The following MAST4 variants were observed in gnomAD, a reference collection of about 807,000 sequenced individuals.
MAST4 encodes microtubule associated serine/threonine kinase family member 4, also known as microtubule-associated serine/threonine-protein kinase 4.
A neutral mutation model predicts 162.7 loss-of-function variants in MAST4; 89 were observed. The ratio of observed to expected loss-of-function variants is 0.55; its 90% CI spans 0.46 to 0.65. MAST4 has a LOEUF of 0.65. MAST4 is among the 30% of genes least tolerant of loss of function. The pLI is 0.00. For synonymous variants in MAST4, 1,479 were observed against 1,361.1 expected, an observed-to-expected ratio of 1.09 and a Z score of -1.91; for missense variants, 3,153 against 3,374.0, an observed-to-expected ratio of 0.93 and a Z score of 1.62.
At chr5:66,915,395 A>G (rs577719107) in intron 4 of MAST4, among the ~76,000 whole-genome samples, 1 of 152,254 alleles carries the variant, frequency 6.6e-6, no homozygotes, top group South Asian at 2.1e-4. Context: ...CCTGGATGAT[A>G]AGAAATTAGT....
chr5:66,793,602 C>T (rs559684450), intron 3 of MAST4, among the ~76,000 whole-genome samples: 6 of 152,148 alleles, frequency 3.9e-5, no homozygotes, highest in Admixed American at 1.3e-4. Flanking sequence ...AAAATGGCTA[C>T]GTGGCCATCA....
chr5:66,920,010 C>G (rs1764426947), intron 4 of MAST4, among the ~76,000 whole-genome samples: 1 of 148,060 alleles, frequency 6.8e-6, no homozygotes, highest in Non-Finnish European at 1.5e-5. Context: ...TTCTAATGAA[C>G]AAGGATGCTT....
At chr5:67,154,578 A>G (rs1245942156) in intron 26 of MAST4, among the ~76,000 whole-genome samples, 4 of 152,178 alleles carry the variant, frequency 2.6e-5, no homozygotes. Context: ...AGATGATCCC[A>G]TTTCTATTGT....
In MAST4 at chr5:66,932,534, A is replaced by G. The variant is rs141406515; in HGVS notation, c.674+32552A>G. 6.7e-3 allele frequency among the ~76,000 whole-genome samples: 1,026 copies of G among 152,284 alleles called. 14 individuals carry two copies. The highest frequency in any genetic ancestry group is 0.024 in the African/African-American group (981 of 41,566). On this transcript the variant is annotated intron_variant, in intron 4 of 28. Coordinates refer to ENST00000403625, the MANE Select transcript of MAST4 (RefSeq NM_001164664.2). ...CGATATGAGATAAACACGTGTTGAAATTGTGCTTATGCTTTGAATTAAATT... is the reference window on the plus strand; with the variant it reads ...CGATATGAGATAAACACGTGTTGAAGTTGTGCTTATGCTTTGAATTAAATT...
chr5:66,955,090 C>T (rs146246335), intron 4 of MAST4, among the ~76,000 whole-genome samples: 1 of 151,116 alleles, frequency 6.6e-6, no homozygotes, highest in East Asian at 2.0e-4. Flanking sequence ...TCTGTGGTCC[C>T]AGTTGCTCAG....
intron 2 of MAST4, among the ~76,000 whole-genome samples, chr5:66,763,019 T>A (rs1449745802): frequency 6.6e-6 from 1 of 152,230 alleles, no homozygotes; most frequent in African/African-American, 2.4e-5. Context: ...TTAATCCTTA[T>A]AACATCTGTG....
Position 66,729,709 on chromosome 5 carries a change from G to A in MAST4, c.364-30000G>A, listed in dbSNP as rs557442237. Among the ~76,000 whole-genome samples, 33 of 152,296 alleles carry A rather than the reference G, an allele frequency of 2.2e-4. 1 individual carries two copies. The South Asian group carries it at 6.8e-3, about 32-fold the overall frequency. Reference sequence around the variant, plus strand: ...GTGGGAAGCCATCGTGATTAGGAAGGCACAAAAGATTAGACGTATCGTTGC... The same window carrying A: ...GTGGGAAGCCATCGTGATTAGGAAGACACAAAAGATTAGACGTATCGTTGC... On this transcript the variant is annotated intron_variant, in intron 1 of 28. Transcript: ENST00000403625.
In MAST4 at chr5:67,160,553, G is replaced by A. The variant is rs1482287819; in HGVS notation, c.3746G>A (p.Arg1249Lys). The change falls in exon 27 of 29, where the codon AGG (arginine) becomes AAG (lysine). Residue 1249 changes from arginine to lysine, a missense_variant. Physicochemically the swap from Arg to Lys is conservative, Grantham distance 26 (BLOSUM62 2). This residue lies in a region of MAST4 where 619 missense variants were observed against 744.2 expected (regional missense o/e 0.83). Coordinates refer to ENST00000403625, the MANE Select transcript of MAST4 (RefSeq NM_001164664.2). ...RRNSYKSRMV[R>K]RSKKSKKKES... ...AACAGCTATAAGAGCCGGATGGTGA[G>A]GCGGAGCAAGAAATCCAAGAAGAAA... 8 of 1,613,548 alleles carry A rather than the reference G, an allele frequency of 5.0e-6. No homozygotes were observed. The Admixed American group carries it at 1.3e-4, about 27-fold the overall frequency.
At chr5:66,805,243 T>A (rs1293785853) in intron 3 of MAST4, among the ~76,000 whole-genome samples, 1 of 152,244 alleles carries the variant, frequency 6.6e-6, no homozygotes, top group Non-Finnish European at 1.5e-5. Context: ...ACTTTACTAA[T>A]CTTTAATACT....
intron 4 of MAST4, among the ~76,000 whole-genome samples, chr5:67,010,984 C>T (rs546241683): frequency 2.9e-4 from 44 of 152,252 alleles, no homozygotes; most frequent in African/African-American, 9.4e-4. Flanking sequence ...GCCCGTCAGC[C>T]CTCCTCCCTG....
intron 1 of MAST4, among the ~76,000 whole-genome samples, chr5:66,726,469 T>C (rs957982795): frequency 6.6e-6 from 1 of 152,132 alleles, no homozygotes; most frequent in Non-Finnish European, 1.5e-5. Context: ...GAGCAGTTAT[T>C]GAGGCTGGAG....
At chr5:67,145,584 A>G (rs551663518) in intron 23 of MAST4, among the ~76,000 whole-genome samples, 2 of 152,328 alleles carry the variant, frequency 1.3e-5, no homozygotes, top group East Asian at 1.9e-4. Context: ...GTGCTCGGCC[A>G]TGCAGCAAAC....
At chr5:66,891,602 G>C (rs571398188) in intron 3 of MAST4, among the ~76,000 whole-genome samples, 13 of 152,146 alleles carry the variant, frequency 8.5e-5, no homozygotes, top group African/African-American at 2.7e-4. Flanking sequence ...CCATACTCCT[G>C]TCCTGCTGAT....
Position 67,163,853 on chromosome 5 carries a change from G to C in MAST4, c.4674G>C (p.Gly1558=), listed in dbSNP as rs771519932. 4 of 1,613,912 alleles carry C rather than the reference G, an allele frequency of 2.5e-6. No homozygotes were observed. Among genetic ancestry groups the C allele is most frequent in the African/African-American group, 1.3e-5 (1 of 75,058 alleles). The part of the protein sequence containing the change: ...QESHQKSHGP[G]SDLENFALFK... ...CCCACCAGAAATCCCATGGACCCGG[G>C]AGTGATTTGGAAAACTTTGCTCTGT... Residue 1558 remains glycine, a synonymous_variant, in exon 29 of 29, where the codon GGG becomes GGC. Transcript: ENST00000403625. The surrounding 1 kb of genome is among the most constrained non-coding windows in gnomAD (Gnocchi z 7.0).
chr5:67,157,759 CTTG>C (rs1215123038), intron 26 of MAST4, among the ~76,000 whole-genome samples: 1 of 152,154 alleles, frequency 6.6e-6, no homozygotes, highest in Non-Finnish European at 1.5e-5. Context: ...AAACAAGAAC[CTTG>C]TTGTCTGTTG....
At chr5:66,990,892 G>T (rs1256928172) in intron 4 of MAST4, among the ~76,000 whole-genome samples, 1 of 151,996 alleles carries the variant, frequency 6.6e-6, no homozygotes, top group Non-Finnish European at 1.5e-5. Flanking sequence ...ATTTCTTAGA[G>T]AAATAGTTAT....
chr5:66,897,217 A>G (rs1762738745), intron 3 of MAST4, among the ~76,000 whole-genome samples: 1 of 152,116 alleles, frequency 6.6e-6, no homozygotes, highest in African/African-American at 2.4e-5. Flanking sequence ...GTAAATTTTT[A>G]ACACACACTC....
At position 67,070,135 on chromosome 5, in the gene MAST4, A is replaced by G. The variant is rs138134220; in HGVS notation, c.763+15643A>G. 9.8e-5 allele frequency among the ~76,000 whole-genome samples: 15 copies of G among 152,314 alleles called. No individual in the cohort carries two copies. The East Asian group carries it at 2.9e-3, about 29-fold the overall frequency. ...GATTCACATTTGGTGCTCTTATGCC[A>G]TTATTTCAGTAGGAAATGTGGGTTA... is the stretch of plus-strand genomic sequence containing the variant. On this transcript the variant is annotated intron_variant, in intron 5 of 28. Coordinates refer to ENST00000403625, the MANE Select transcript of MAST4 (RefSeq NM_001164664.2).
intron 12 of MAST4, among the ~76,000 whole-genome samples, chr5:67,118,295 AGTT>A: frequency 6.6e-6 from 1 of 152,282 alleles, no homozygotes; most frequent in South Asian, 2.1e-4. Flanking sequence ...ATCATTCCCT[AGTT>A]GTTGTCGGTG....
Sources: allele counts gnomAD v4.1 joint callset (sites outside exome capture counted in the v4.1 genomes callset), GRCh38; gene constraint gnomAD v4.1.1; regional missense constraint gnomAD v4.1.1; non-coding constraint Gnocchi (gnomAD v3.1); transcripts MANE v1.5; gene names NCBI Gene and HGNC (gene_info 2026-07-23, HGNC 2026-07-21).